Variants in MPPED2 observed in about 807,000 individuals in gnomAD.
MPPED2 encodes metallophosphoesterase domain containing 2.
A neutral mutation model predicts 33.0 loss-of-function variants in MPPED2; 5 were observed. That is an observed-to-expected ratio of 0.15 (90% CI 0.08 to 0.32). The LOEUF (loss-of-function observed/expected upper bound fraction) is 0.32. Ranked by LOEUF, MPPED2 falls within the 10% of genes least tolerant of loss-of-function variation. MPPED2 has a pLI of 1.00. For missense variants in MPPED2, 275 were observed against 372.1 expected (o/e 0.74, Z 2.15); for synonymous variants, 136 against 141.9 (o/e 0.96, Z 0.29).
intron 2 of MPPED2, among the ~76,000 whole-genome samples, chr11:30,569,489 C>T (rs1032432541): frequency 2.0e-5 from 3 of 152,080 alleles, no homozygotes; most frequent in Admixed American, 6.6e-5. Context: ...TCAATGCTAC[C>T]GGCTGTACCC....
chr11:30,567,052 C>T (rs532056105), intron 2 of MPPED2, among the ~76,000 whole-genome samples: 1 of 152,242 alleles, frequency 6.6e-6, no homozygotes, highest in East Asian at 1.9e-4. Flanking sequence ...TATCTCTCTA[C>T]TTGAAAAAAC....
chr11:30,548,718 G>A (rs1044171267), intron 2 of MPPED2, among the ~76,000 whole-genome samples: 2 of 152,182 alleles, frequency 1.3e-5, no homozygotes, highest in Admixed American at 1.3e-4. Flanking sequence ...CTGGAGTAAT[G>A]TCATTAGACA....
At chr11:30,414,550 T>C (rs1401285525) in intron 5 of MPPED2, among the ~76,000 whole-genome samples, 1 of 152,102 alleles carries the variant, frequency 6.6e-6, no homozygotes, top group Non-Finnish European at 1.5e-5. Flanking sequence ...GTTTCCATTT[T>C]TTTTTCTTCC....
intron 3 of MPPED2, among the ~76,000 whole-genome samples, chr11:30,502,245 A>C (rs937843549): frequency 2.0e-5 from 3 of 152,168 alleles, no homozygotes; most frequent in African/African-American, 7.2e-5. Flanking sequence ...CATATGTGAC[A>C]ACTTGATAAA....
chr11:30,411,348 T>C lies in MPPED2; in HGVS notation c.*120A>G. On this transcript the variant is annotated 3_prime_UTR_variant, in exon 7 of 7. Transcript: ENST00000358117. ...GCACAACCTCTAGCATCATTTGTGT[T>C]CCAACAATTTACAAAAAGAACTCAC... 1 of 1,390,596 alleles carries C rather than the reference T, an allele frequency of 7.2e-7. No individual in the cohort carries two copies. The highest frequency in any genetic ancestry group is 1.4e-5 in the African/African-American group (1 of 69,518). 86.1% of individuals were successfully genotyped at this position (1,390,596 alleles called of 1,614,324 possible).
At chr11:30,476,651 TAGTA>T (rs1328147061) in intron 4 of MPPED2, among the ~76,000 whole-genome samples, 2 of 152,060 alleles carry the variant, frequency 1.3e-5, no homozygotes, top group Non-Finnish European at 2.9e-5. Context: ...CAAAGCTTCA[TAGTA>T]AGCCTGAAAT....
rs551679016 is a variant in MPPED2 at position 30,474,989 on chromosome 11, T to C, written c.536+20307A>G. Among the ~76,000 whole-genome samples, 5 of 152,310 alleles carry C rather than the reference T, an allele frequency of 3.3e-5. No homozygotes were observed. The East Asian group carries it at 9.7e-4, about 29-fold the overall frequency. On this transcript the variant is annotated intron_variant, in intron 4 of 6. Coordinates refer to ENST00000358117, the MANE Select transcript of MPPED2 (RefSeq NM_001584.3). ...GATACAAACTGAAGTTTTCCCTTAATACTGAAAGCAATAATAGCCTTGAAT... is the reference window on the plus strand; with the variant it reads ...GATACAAACTGAAGTTTTCCCTTAACACTGAAAGCAATAATAGCCTTGAAT...
intron 3 of MPPED2, among the ~76,000 whole-genome samples, chr11:30,522,830 T>G (rs1040889395): frequency 2.0e-5 from 3 of 152,248 alleles, no homozygotes; most frequent in African/African-American, 7.2e-5. Flanking sequence ...GAGTACTATA[T>G]TATTTGCATC....
exon 7 of MPPED2, chr11:30,388,587 G>A: frequency 4.8e-6 from 1 of 210,304 alleles, no homozygotes. Flanking sequence ...GGTCATCAGT[G>A]ACTGATCTGT....
intron 3 of MPPED2, chr11:30,501,502 C>T (rs1195808973): frequency 6.6e-6 from 2 of 301,900 alleles, no homozygotes; most frequent in African/African-American, 4.5e-5. Context: ...TCCCTTAACA[C>T]ACAACTTTTT....
At chr11:30,486,373 G>A (rs1951742614) in intron 4 of MPPED2, among the ~76,000 whole-genome samples, 1 of 152,264 alleles carries the variant, frequency 6.6e-6, no homozygotes, top group Admixed American at 6.5e-5. Context: ...GAATCTACAC[G>A]ACGCTAAGAA....
chr11:30,420,942 A>G (rs746846160), intron 4 of MPPED2, among the ~76,000 whole-genome samples: 9 of 152,188 alleles, frequency 5.9e-5, no homozygotes, highest in East Asian at 1.9e-4. Flanking sequence ...TCGAAACCCA[A>G]TGAAAACTCA....
chr11:30,583,134 CTTTTTTTTTTTTTT>C (rs199611856), intron 1 of MPPED2, among the ~76,000 whole-genome samples: 1,800 of 96,686 alleles, frequency 0.019, 25 homozygotes, highest in Non-Finnish European at 0.025. Context: ...AAGACTTTTT[CTTTTTTTTTTTTTT>C]TTTTTTTTTT....
chr11:30,545,902 C>T (rs10160329), intron 2 of MPPED2, among the ~76,000 whole-genome samples: 2,483 of 152,230 alleles, frequency 0.016, 72 homozygotes, highest in African/African-American at 0.057. Context: ...TCGCTCTTGT[C>T]GCCCAGGTAG....
In MPPED2 at chr11:30,473,968, C is replaced by T. The variant is rs1365230932; in HGVS notation, c.536+21328G>A. Among the ~76,000 whole-genome samples the T allele has an allele frequency of 6.6e-5, 10 of 152,198 alleles. 1 individual carries two copies. The highest frequency in any genetic ancestry group is 2.1e-4 in the South Asian group (1 of 4,834). Reference sequence around the variant, plus strand: ...CTTGAAATGAGACCACTATTCTGGACGACATCTTCATTACTGTCTTGTGAG... The same window carrying T: ...CTTGAAATGAGACCACTATTCTGGATGACATCTTCATTACTGTCTTGTGAG... On this transcript the variant is annotated intron_variant, in intron 4 of 6. Coordinates refer to ENST00000358117, the MANE Select transcript of MPPED2 (RefSeq NM_001584.3).
At chr11:30,456,697 A>G (rs1400143002) in intron 4 of MPPED2, among the ~76,000 whole-genome samples, 1 of 152,198 alleles carries the variant, frequency 6.6e-6, no homozygotes, top group Non-Finnish European at 1.5e-5. Flanking sequence ...AAAAAGAAGT[A>G]GCCTAGCACT....
intron 2 of MPPED2, among the ~76,000 whole-genome samples, chr11:30,547,402 A>G (rs1590807601): frequency 6.6e-6 from 1 of 152,066 alleles, no homozygotes. Context: ...ACTATGTGCC[A>G]GGGGCTTTTT....
chr11:30,486,163 T>TG (rs1233357323), intron 4 of MPPED2, among the ~76,000 whole-genome samples: 1 of 152,196 alleles, frequency 6.6e-6, no homozygotes, highest in East Asian at 1.9e-4. Flanking sequence ...TGAACACATC[T>TG]GAGCCACAGA....
intron 4 of MPPED2, among the ~76,000 whole-genome samples, chr11:30,474,549 A>T (rs940813490): frequency 6.6e-6 from 1 of 152,160 alleles, no homozygotes; most frequent in African/African-American, 2.4e-5. Context: ...CAATCAGTGC[A>T]TTCCATCCTC....
Sources: gnomAD v4.1 joint callset for allele counts (sites outside exome capture counted in the v4.1 genomes callset) on GRCh38, gnomAD v4.1.1 for gene constraint, MANE v1.5 for transcripts, NCBI Gene and HGNC (gene_info 2026-07-23, HGNC 2026-07-21) for gene names.